The following CLASP2 variants were observed in gnomAD, a reference collection of about 807,000 sequenced individuals.
CLASP2 encodes the protein CLIP-associating protein 2.
Under a neutral mutation model 194.4 loss-of-function variants are expected in CLASP2, and 47 were observed. That is an observed-to-expected ratio of 0.24 (90% CI 0.19 to 0.31). CLASP2 has a LOEUF of 0.31. Among genes scored for constraint, CLASP2 ranks in the 10% least tolerant of loss-of-function variants. The probability of loss-of-function intolerance (pLI) is 1.00; values close to 1 mark genes in which losing one functional copy is unlikely to be tolerated. For synonymous variants in CLASP2, 619 were observed against 633.5 expected, an observed-to-expected ratio of 0.98 and a Z score of 0.34; for missense variants, 1,445 against 1,823.6, an observed-to-expected ratio of 0.79 and a Z score of 3.78.
rs185355984 is a variant in CLASP2 at position 33,501,301 on chromosome 3, A to G, written c.4434+351T>C. Among the ~76,000 whole-genome samples, 586 of 152,308 alleles carry G rather than the reference A, an allele frequency of 3.8e-3. 5 individuals are homozygous for G. Among genetic ancestry groups the G allele is most frequent in the Non-Finnish European group, 5.9e-3 (399 of 68,022 alleles). The stretch of plus-strand genomic sequence containing the variant: ...ATACAGTAATCCATTAATATATATA[A>G]CCACAACAGTCTATTTATTCTTAAT... On this transcript the variant is annotated intron_variant, in intron 38 of 38. Transcript: ENST00000682230.
intron 21 of CLASP2, among the ~76,000 whole-genome samples, chr3:33,591,794 C>G (rs1217065048): frequency 2.0e-5 from 3 of 152,080 alleles, no homozygotes; most frequent in African/African-American, 7.2e-5. Context: ...GAAACAGAAT[C>G]AGTCATTTCA....
intron 6 of CLASP2, among the ~76,000 whole-genome samples, chr3:33,678,437 TGCAA>T (rs1053086757): frequency 2.0e-5 from 3 of 152,182 alleles, no homozygotes; most frequent in African/African-American, 7.2e-5. Context: ...CTTCTCCTTG[TGCAA>T]GCAAGAAGAA....
intron 6 of CLASP2, among the ~76,000 whole-genome samples, chr3:33,668,205 C>A (rs1368182311): frequency 6.6e-6 from 1 of 152,086 alleles, no homozygotes; most frequent in Admixed American, 6.5e-5. Flanking sequence ...GGTGACAGTG[C>A]GAGACTCCAA....
At chr3:33,668,752 A>C (rs1249691602) in intron 6 of CLASP2, among the ~76,000 whole-genome samples, 2 of 152,188 alleles carry the variant, frequency 1.3e-5, no homozygotes, top group Non-Finnish European at 2.9e-5. Context: ...CTGCTAAAGA[A>C]GCATCACCAA....
intron 29 of CLASP2, among the ~76,000 whole-genome samples, chr3:33,552,028 A>G (rs1473048180): frequency 6.6e-6 from 1 of 152,002 alleles, no homozygotes; most frequent in African/African-American, 2.4e-5. Context: ...ATGCCTCCCA[A>G]AAGAACTGTC....
Position 33,560,163 on chromosome 3 carries a change from T to C in CLASP2, c.2930+645A>G, listed in dbSNP as rs528150287. On this transcript the variant is annotated intron_variant, in intron 28 of 38. Coordinates refer to ENST00000682230, the MANE Select transcript of CLASP2 (RefSeq NM_001365631.1). ...TATTTAAATGCATAATAAAACGTTG[T>C]TTAAATACACAGAAAATACTTTTTA... is the stretch of plus-strand genomic sequence containing the variant. Among the ~76,000 whole-genome samples, 8 of 152,312 alleles carry C rather than the reference T, an allele frequency of 5.3e-5. No homozygotes were observed. The South Asian group carries it at 1.4e-3, about 28-fold the overall frequency.
intron 22 of CLASP2, among the ~76,000 whole-genome samples, chr3:33,582,207 C>T (rs1171504528): frequency 6.6e-6 from 1 of 152,116 alleles, no homozygotes; most frequent in Non-Finnish European, 1.5e-5. Flanking sequence ...TACAGTAAAA[C>T]TCAATTTTTC....
chr3:33,630,078 C>G (rs1479737147), intron 9 of CLASP2, among the ~76,000 whole-genome samples: 1 of 152,132 alleles, frequency 6.6e-6, no homozygotes, highest in Non-Finnish European at 1.5e-5. Flanking sequence ...CGGTAACACA[C>G]AGATGATATC....
chr3:33,619,293 G>C (rs902220070), intron 12 of CLASP2, among the ~76,000 whole-genome samples: 1 of 152,022 alleles, frequency 6.6e-6, no homozygotes, highest in Non-Finnish European at 1.5e-5. Flanking sequence ...ATTATTTTCT[G>C]TAACATTTGT....
At chr3:33,549,571 TCAGAGA>T (rs2059668923) in intron 30 of CLASP2, among the ~76,000 whole-genome samples, 1 of 152,180 alleles carries the variant, frequency 6.6e-6, no homozygotes, top group East Asian at 1.9e-4. Flanking sequence ...TCTATTGTGG[TCAGAGA>T]ACATACTGTG....
intron 1 of CLASP2, among the ~76,000 whole-genome samples, chr3:33,717,239 T>C (rs1231981558): frequency 6.6e-6 from 1 of 152,142 alleles, no homozygotes; most frequent in Non-Finnish European, 1.5e-5. Context: ...AGTCTTTCAC[T>C]GATTTTTTTT....
At chr3:33,708,545 T>C (rs2092834812) in intron 1 of CLASP2, among the ~76,000 whole-genome samples, 1 of 268 alleles carries the variant, frequency 3.7e-3, no homozygotes, top group African/African-American at 6.7e-3. Flanking sequence ...TGTATATATG[T>C]ATATATATAT....
intron 6 of CLASP2, among the ~76,000 whole-genome samples, chr3:33,667,870 AACTT>A (rs770784755): frequency 6.6e-6 from 1 of 152,224 alleles, no homozygotes; most frequent in African/African-American, 2.4e-5. Flanking sequence ...ATACCACCAG[AACTT>A]ACTTTTTAAA....
intron 30 of CLASP2, among the ~76,000 whole-genome samples, chr3:33,547,830 T>C (rs150832421): frequency 6.7e-6 from 1 of 149,654 alleles, no homozygotes; most frequent in Admixed American, 6.8e-5. Flanking sequence ...GCTCTGTCAC[T>C]CGGGCTGGAG....
intron 37 of CLASP2, among the ~76,000 whole-genome samples, chr3:33,507,524 T>C (rs2048602382): frequency 6.6e-6 from 1 of 152,140 alleles, no homozygotes; most frequent in Non-Finnish European, 1.5e-5. Flanking sequence ...CTCTGTCACT[T>C]AGGCTGAAGT....
At chr3:33,563,632 C>A (rs571400491) in intron 27 of CLASP2, among the ~76,000 whole-genome samples, 1 of 152,210 alleles carries the variant, frequency 6.6e-6, no homozygotes, top group Non-Finnish European at 1.5e-5. Context: ...GCCACTGACA[C>A]CACATAAACA....
At chr3:33,708,253 T>C (rs1035762200) in intron 1 of CLASP2, among the ~76,000 whole-genome samples, 16 of 151,786 alleles carry the variant, frequency 1.1e-4, no homozygotes, top group African/African-American at 3.9e-4. Context: ...CACCATTCTA[T>C]ATTCTATTCT....
In CLASP2 at chr3:33,496,833, C is replaced by T. The variant is rs142445044; in HGVS notation, c.*1798G>A. The stretch of plus-strand genomic sequence containing the variant: ...CTGTAATATATACATGCGTATGTAG[C>T]TATATACCTTTGATTGTGGTAGCTA... On this transcript the variant is annotated 3_prime_UTR_variant, in exon 39 of 39. Coordinates refer to ENST00000682230, the MANE Select transcript of CLASP2 (RefSeq NM_001365631.1). 2 of 152,336 alleles carry T rather than the reference C, an allele frequency of 1.3e-5. No individual in the cohort carries two copies. Among genetic ancestry groups the T allele is most frequent in the African/African-American group, 2.4e-5 (1 of 41,554 alleles). The allele number at this position is 152,336 out of a possible 1,614,324, so 9.4% of individuals were successfully genotyped here.
chr3:33,642,667 T>A (rs1213961093), intron 8 of CLASP2, among the ~76,000 whole-genome samples: 1 of 151,864 alleles, frequency 6.6e-6, no homozygotes, highest in African/African-American at 2.4e-5. Context: ...TAAGAAAACT[T>A]TCTACAACCA....
Sources: allele counts gnomAD v4.1 joint callset (sites outside exome capture counted in the v4.1 genomes callset), GRCh38; gene constraint gnomAD v4.1.1; transcripts MANE v1.5; gene names NCBI Gene and HGNC (gene_info 2026-07-23, HGNC 2026-07-21).